The following GRIA3 variants were observed in gnomAD, a reference collection of about 807,000 sequenced individuals.
The protein encoded by GRIA3 is glutamate ionotropic receptor AMPA type subunit 3.
GRIA3 carries 3 observed loss-of-function variants against 63.0 expected under a neutral mutation model. That is an observed-to-expected ratio of 0.05 (90% CI 0.02 to 0.12). The LOEUF is 0.12. Among genes scored for constraint, GRIA3 ranks in the 10% least tolerant of loss-of-function variants. The probability of loss-of-function intolerance (pLI) is 1.00; values close to 1 mark genes in which losing one functional copy is unlikely to be tolerated. For missense variants in GRIA3, 347 were observed against 700.9 expected (o/e 0.50, Z 5.70); for synonymous variants, 274 against 257.9 (o/e 1.06, Z -0.60).
At chrX:123,317,126 G>A (rs1271560494) in intron 3 of GRIA3, among the ~76,000 whole-genome samples, 1 of 111,349 alleles carries the variant, frequency 9.0e-6, no homozygotes, top group Non-Finnish European at 1.9e-5. Context: ...AAACCCATCA[G>A]ATCTCTTGAG....
At chrX:123,401,584 G>A (rs2045443784) in intron 7 of GRIA3, among the ~76,000 whole-genome samples, 1 of 112,068 alleles carries the variant, frequency 8.9e-6, no homozygotes, top group Admixed American at 9.5e-5. Flanking sequence ...ATAGTGCTTA[G>A]GTTTGTTGGA....
Position 123,250,612 on chromosome X carries a change from C to T in GRIA3, c.269-2691C>T, listed in dbSNP as rs181879799. ...TCATGGATCCTAATTTTTCTTTTGC[C>T]AGTTGGTATGGATCTGAGAATTACC... On this transcript the variant is annotated intron_variant, in intron 2 of 15. Coordinates refer to ENST00000620443, the MANE Select transcript of GRIA3 (RefSeq NM_007325.5). Among the ~76,000 whole-genome samples, 4 of 111,320 alleles carry T rather than the reference C, an allele frequency of 3.6e-5. No homozygotes were observed. The East Asian group carries it at 1.1e-3, about 32-fold the overall frequency.
At chrX:123,219,176 C>G (rs1261533231) in intron 2 of GRIA3, among the ~76,000 whole-genome samples, 1 of 112,181 alleles carries the variant, frequency 8.9e-6, no homozygotes, top group African/African-American at 3.2e-5. Context: ...TACAAATAAC[C>G]TATTAGCATT....
chrX:123,207,673 A>G (rs1927927667), intron 2 of GRIA3, among the ~76,000 whole-genome samples: 2 of 111,919 alleles, frequency 1.8e-5, no homozygotes, highest in Admixed American at 1.9e-4. Flanking sequence ...TGCATGTACT[A>G]TTTGCATGTG....
At chrX:123,479,730 C>T (rs1043647862) in intron 13 of GRIA3, among the ~76,000 whole-genome samples, 1 of 112,275 alleles carries the variant, frequency 8.9e-6, no homozygotes, top group African/African-American at 3.2e-5. Flanking sequence ...ATCTCCTTCA[C>T]AAAGCTACTG....
chrX:123,194,775 T>C (rs780861703), intron 2 of GRIA3, among the ~76,000 whole-genome samples: 1 of 112,462 alleles, frequency 8.9e-6, no homozygotes, highest in East Asian at 2.8e-4. Flanking sequence ...TACAGAGATA[T>C]ACAGATTCAG....
intron 12 of GRIA3, among the ~76,000 whole-genome samples, chrX:123,438,390 C>T (rs989106047): frequency 4.4e-5 from 5 of 112,569 alleles, no homozygotes; most frequent in East Asian, 2.8e-4. Context: ...TTGATGAATA[C>T]GTGACTATTT....
At chrX:123,310,206 T>C (rs947974882) in intron 3 of GRIA3, among the ~76,000 whole-genome samples, 1 of 112,757 alleles carries the variant, frequency 8.9e-6, no homozygotes, top group Non-Finnish European at 1.9e-5. Context: ...ATCTCAAGAG[T>C]TGTCATCTTA....
chrX:123,269,596 A>C (rs1222871934), intron 3 of GRIA3, among the ~76,000 whole-genome samples: 2 of 111,897 alleles, frequency 1.8e-5, no homozygotes, highest in Non-Finnish European at 3.8e-5. Flanking sequence ...CTATGAAGGT[A>C]GAAACGGCTG....
At chrX:123,194,464 C>T (rs988374205) in intron 2 of GRIA3, among the ~76,000 whole-genome samples, 3 of 111,147 alleles carry the variant, frequency 2.7e-5, no homozygotes, top group Non-Finnish European at 5.7e-5. Context: ...TAGGTGAACA[C>T]CTTTGCACAA....
intron 12 of GRIA3, among the ~76,000 whole-genome samples, chrX:123,461,721 A>G (rs952155709): frequency 2.7e-5 from 3 of 111,594 alleles, no homozygotes; most frequent in African/African-American, 9.8e-5. Flanking sequence ...TAAATTGAAG[A>G]GAGAGATGAA....
chrX:123,262,995 T>G (rs755491461), intron 3 of GRIA3, among the ~76,000 whole-genome samples: 24 of 111,851 alleles, frequency 2.1e-4, no homozygotes, highest in Non-Finnish European at 3.0e-4. Flanking sequence ...TTCCTTTTAC[T>G]AAATGGAAAG....
intron 2 of GRIA3, among the ~76,000 whole-genome samples, chrX:123,241,485 G>A (rs2044329598): frequency 1.8e-5 from 2 of 110,202 alleles, no homozygotes; most frequent in African/African-American, 6.6e-5. Context: ...GTTTTATTTT[G>A]TTTTGTTTTA....
intron 12 of GRIA3, among the ~76,000 whole-genome samples, chrX:123,446,371 G>A (rs2045703249): frequency 8.9e-6 from 1 of 112,063 alleles, no homozygotes; most frequent in African/African-American, 3.2e-5. Context: ...GCTTTTCAGC[G>A]AGTAGATAAT....
Position 123,373,663 on chromosome X carries a change from G to A in GRIA3, c.750+18700G>A, listed in dbSNP as rs776884115. ...TGCATAAATGTCTTCTTTTGAGAAGGGTCTGTTCATATCTTTTGCCCACTT... is the reference window on the plus strand; with the variant it reads ...TGCATAAATGTCTTCTTTTGAGAAGAGTCTGTTCATATCTTTTGCCCACTT... On this transcript the variant is annotated intron_variant, in intron 5 of 15. Coordinates refer to ENST00000620443, the MANE Select transcript of GRIA3 (RefSeq NM_007325.5). Among the ~76,000 whole-genome samples the A allele has an allele frequency of 3.6e-5, 4 of 111,680 alleles. No individual in the cohort carries two copies. In the East Asian group the frequency reaches 1.1e-3, roughly 32 times the overall value.
At chrX:123,484,684 T>A (rs1029851038) in intron 15 of GRIA3, among the ~76,000 whole-genome samples, 1 of 111,591 alleles carries the variant, frequency 9.0e-6, no homozygotes, top group African/African-American at 3.3e-5. Flanking sequence ...AGTTTCACCA[T>A]GTTGGCCAGG....
chrX:123,279,044 C>T (rs2044570717), intron 3 of GRIA3, among the ~76,000 whole-genome samples: 1 of 111,639 alleles, frequency 9.0e-6, no homozygotes, highest in South Asian at 3.7e-4. Context: ...ATTAATTCTC[C>T]CAATCCATGA....
chrX:123,326,533 C>T (rs2044906180), intron 4 of GRIA3, among the ~76,000 whole-genome samples: 1 of 111,734 alleles, frequency 8.9e-6, no homozygotes, highest in African/African-American at 3.3e-5. Flanking sequence ...CAAAGTAATC[C>T]CCTTCCTTTC....
At chrX:123,198,289 G>A (rs1296763795) in intron 2 of GRIA3, among the ~76,000 whole-genome samples, 8 of 111,970 alleles carry the variant, frequency 7.1e-5, no homozygotes, top group East Asian at 2.8e-4. Flanking sequence ...CCATATGACC[G>A]TGAGCAAATT....
Sources: allele counts gnomAD v4.1 joint callset (sites outside exome capture counted in the v4.1 genomes callset), GRCh38; gene constraint gnomAD v4.1.1; transcripts MANE v1.5; gene names NCBI Gene and HGNC (gene_info 2026-07-23, HGNC 2026-07-21).